DRD3: variants seen among roughly 807,000 people sequenced by gnomAD.
The protein encoded by DRD3 is dopamine receptor D3.
Under a neutral mutation model 36.3 loss-of-function variants are expected in DRD3, and 19 were observed. The observed-to-expected ratio is 0.52, with a 90% CI of 0.36 to 0.77. The LOEUF (loss-of-function observed/expected upper bound fraction) is 0.77, where lower values mean the gene tolerates loss of function less well. DRD3 is among the 30% of genes least tolerant of loss of function. DRD3 has a pLI of 0.00. For missense variants in DRD3, 465 were observed against 505.3 expected (o/e 0.92, Z 0.77); for synonymous variants, 195 against 203.7 (o/e 0.96, Z 0.36).
chr3:114,141,776 G>C (rs1383332897), intron 4 of DRD3, among the ~76,000 whole-genome samples: 3 of 152,150 alleles, frequency 2.0e-5, no homozygotes, highest in Non-Finnish European at 4.4e-5. Flanking sequence ...TAGGGGCCAG[G>C]CATGGTGGCT....
intron 6 of DRD3, 83 bp from the exon 7 acceptor site, chr3:114,128,995 T>C: frequency 1.4e-6 from 2 of 1,392,642 alleles, no homozygotes; most frequent in Non-Finnish European, 1.9e-6. Context: ...CACGGTTGTC[T>C]ACTTTATGCC....
chr3:114,150,189 G>A (rs922561919), intron 3 of DRD3, among the ~76,000 whole-genome samples: 5 of 151,846 alleles, frequency 3.3e-5, no homozygotes, highest in African/African-American at 1.2e-4. Context: ...CAGCCACACT[G>A]GCCTGGTAAT....
At chr3:114,197,883 A>G (rs976676127) in intron 1 of DRD3, among the ~76,000 whole-genome samples, 2 of 152,126 alleles carry the variant, frequency 1.3e-5, no homozygotes, top group Non-Finnish European at 2.9e-5. Context: ...AGACCTCTCT[A>G]ACTTTGTTCT....
intron 1 of DRD3, among the ~76,000 whole-genome samples, chr3:114,187,333 C>A (rs888489093): frequency 6.6e-6 from 1 of 152,194 alleles, no homozygotes; most frequent in Non-Finnish European, 1.5e-5. Context: ...CACAAAGGAG[C>A]AGCTTTATCT....
At chr3:114,130,136 G>A (rs1402079538) in intron 6 of DRD3, among the ~76,000 whole-genome samples, 2 of 152,110 alleles carry the variant, frequency 1.3e-5, no homozygotes, top group Non-Finnish European at 2.9e-5. Context: ...GCATACGCCT[G>A]TAGTTCTAGC....
chr3:114,175,209 C>T (rs1457380282), intron 1 of DRD3, among the ~76,000 whole-genome samples: 1 of 152,076 alleles, frequency 6.6e-6, no homozygotes. Flanking sequence ...AATTGCTCTC[C>T]CCATGAAGAA....
chr3:114,161,066 G>A (rs1254061971), intron 2 of DRD3, among the ~76,000 whole-genome samples: 2 of 152,032 alleles, frequency 1.3e-5, no homozygotes, highest in East Asian at 3.9e-4. Context: ...TCCACCAAAG[G>A]CCACTCATGG....
In DRD3 at chr3:114,171,731, A is replaced by G; in HGVS notation, c.262T>C (p.Tyr88His). ...ACCTGAAGTCTACTCACCTCCAGGT[A>G]TACCACCCAGGGCATCACCAAGGTG... Reference protein sequence around the residue: ...VATLVMPWVVYLEVTGGVWNF... With the variant: ...VATLVMPWVVHLEVTGGVWNF... Residue 88 changes from tyrosine to histidine, a missense_variant, in exon 2 of 7, where the codon TAC (tyrosine) becomes CAC (histidine). Transcript: ENST00000383673. The G allele has an allele frequency of 6.2e-7, 1 of 1,602,956 alleles. No homozygotes were observed. Among genetic ancestry groups the G allele is most frequent in the South Asian group, 1.1e-5 (1 of 88,862 alleles).
intron 2 of DRD3, among the ~76,000 whole-genome samples, chr3:114,171,067 G>T (rs765046306): frequency 1.3e-5 from 2 of 152,116 alleles, no homozygotes; most frequent in Admixed American, 6.5e-5. Context: ...CTCCCCAAAA[G>T]AATTCACCAG....
At chr3:114,184,859 T>C (rs2077967021) in intron 1 of DRD3, among the ~76,000 whole-genome samples, 1 of 152,200 alleles carries the variant, frequency 6.6e-6, no homozygotes, top group Admixed American at 6.5e-5. Flanking sequence ...TCACTGCAAC[T>C]GACCTCCTTC....
chr3:114,190,282 T>A (rs916768855), intron 1 of DRD3, among the ~76,000 whole-genome samples: 1 of 150,852 alleles, frequency 6.6e-6, no homozygotes, highest in Non-Finnish European at 1.5e-5. Context: ...CAAAAATATG[T>A]CATTCAAGCT....
At chr3:114,186,375 C>T (rs1053420448) in intron 1 of DRD3, among the ~76,000 whole-genome samples, 2 of 152,136 alleles carry the variant, frequency 1.3e-5, no homozygotes, top group African/African-American at 4.8e-5. Context: ...GATCTGCCCA[C>T]CTTGGCCTCC....
chr3:114,155,371 G>A (rs1366031778), intron 3 of DRD3, among the ~76,000 whole-genome samples: 2 of 152,156 alleles, frequency 1.3e-5, no homozygotes. Flanking sequence ...CAAGAAGGGA[G>A]CTTCGTTTTC....
intron 2 of DRD3, among the ~76,000 whole-genome samples, chr3:114,167,652 AATG>A (rs1216043518): frequency 2.6e-5 from 4 of 152,140 alleles, no homozygotes; most frequent in Non-Finnish European, 5.9e-5. Flanking sequence ...TAAAGATGAG[AATG>A]ATACCAATGA....
chr3:114,142,283 T>G (rs563560419), intron 4 of DRD3, among the ~76,000 whole-genome samples: 1 of 152,182 alleles, frequency 6.6e-6, no homozygotes, highest in South Asian at 2.1e-4. Flanking sequence ...AACCTGCCTG[T>G]GATAAGGAGG....
intron 3 of DRD3, among the ~76,000 whole-genome samples, chr3:114,150,598 C>T (rs1405278219): frequency 6.6e-6 from 1 of 152,192 alleles, no homozygotes; most frequent in African/African-American, 2.4e-5. Flanking sequence ...GAGGGGAAGG[C>T]TTCCTTCCCT....
At chr3:114,171,691 A>G in intron 2 of DRD3, 32 bp downstream of exon 2, 2 of 1,553,268 alleles carry the variant, frequency 1.3e-6, no homozygotes, top group Non-Finnish European at 1.7e-6. Context: ...TAGCACAGTC[A>G]TAGAGACAAC....
At chr3:114,196,921 C>T (rs917723352) in intron 1 of DRD3, among the ~76,000 whole-genome samples, 1 of 151,044 alleles carries the variant, frequency 6.6e-6, no homozygotes, top group African/African-American at 2.4e-5. Flanking sequence ...TTTTCCCAGT[C>T]TATGTCTGTC....
intron 1 of DRD3, among the ~76,000 whole-genome samples, chr3:114,195,878 T>A (rs1234456762): frequency 6.6e-6 from 1 of 152,192 alleles, no homozygotes; most frequent in Non-Finnish European, 1.5e-5. Flanking sequence ...AGAGAATGGT[T>A]GATTGGATCA....
Sources: gnomAD v4.1 joint callset for allele counts (sites outside exome capture counted in the v4.1 genomes callset) on GRCh38, gnomAD v4.1.1 for gene constraint, MANE v1.5 for transcripts, NCBI Gene and HGNC (gene_info 2026-07-23, HGNC 2026-07-21) for gene names.